Variants in WWTR1 observed in about 807,000 individuals in gnomAD.
WWTR1 encodes WW domain containing transcription regulator 1.
WWTR1 carries 13 observed loss-of-function variants against 40.1 expected under a neutral mutation model. The ratio of observed to expected loss-of-function variants is 0.32; its 90% confidence interval spans 0.21 to 0.52. The LOEUF (loss-of-function observed/expected upper bound fraction) is 0.52. WWTR1 is among the 20% of genes least tolerant of loss of function. The pLI, the probability that WWTR1 is intolerant of heterozygous loss-of-function variation, is 0.97. For missense variants in WWTR1, 436 were observed against 523.1 expected, an observed-to-expected ratio of 0.83 and a Z score of 1.63; for synonymous variants, 230 against 210.1, an observed-to-expected ratio of 1.09 and a Z score of -0.82.
At chr3:149,620,843 C>T (rs1427991520) in intron 2 of WWTR1, among the ~76,000 whole-genome samples, 2 of 152,184 alleles carry the variant, frequency 1.3e-5, no homozygotes, top group African/African-American at 4.8e-5. Flanking sequence ...AGCTAGGAGA[C>T]CACACACATC....
chr3:149,539,599 C>T (rs1231925056), intron 4 of WWTR1, among the ~76,000 whole-genome samples: 2 of 152,168 alleles, frequency 1.3e-5, no homozygotes, highest in Admixed American at 1.3e-4. Context: ...AGGGGTAGGA[C>T]AGAGAGAACA....
intron 4 of WWTR1, among the ~76,000 whole-genome samples, chr3:149,720,942 C>G (rs771220712): frequency 1.3e-5 from 2 of 151,872 alleles, no homozygotes; most frequent in Admixed American, 6.6e-5. Context: ...TATATAAATG[C>G]GACTGATTTT....
intron 2 of WWTR1, among the ~76,000 whole-genome samples, chr3:149,640,007 AAAAAAAG>A (rs1413224991): frequency 1.3e-5 from 2 of 150,332 alleles, no homozygotes; most frequent in African/African-American, 4.9e-5. Context: ...AAAAAAAAAA[AAAAAAAG>A]AAAGAAAGAA....
intron 3 of WWTR1, among the ~76,000 whole-genome samples, chr3:149,559,293 C>CAAAAAAAAAA (rs57470539): frequency 1.9e-3 from 107 of 57,168 alleles, no homozygotes; most frequent in Admixed American, 2.2e-3. Context: ...GACTCCATCT[C>CAAAAAAAAAA]AAAAAAAAAA....
At chr3:149,608,111 G>A (rs951930724) in intron 2 of WWTR1, among the ~76,000 whole-genome samples, 1 of 152,126 alleles carries the variant, frequency 6.6e-6, no homozygotes, top group African/African-American at 2.4e-5. Context: ...ATCTGATATT[G>A]TTGAATTCTG....
intron 2 of WWTR1, among the ~76,000 whole-genome samples, chr3:149,596,205 G>T (rs1738996928): frequency 6.6e-6 from 1 of 152,198 alleles, no homozygotes. Context: ...GACAGTAAGT[G>T]TTCTAAGAGA....
At chr3:149,554,976 T>C (rs968235802) in intron 3 of WWTR1, among the ~76,000 whole-genome samples, 2 of 152,256 alleles carry the variant, frequency 1.3e-5, no homozygotes, top group Non-Finnish European at 2.9e-5. Context: ...TGTTTTGTTA[T>C]CTTCAGACAA....
intron 2 of WWTR1, chr3:149,576,296 T>G: frequency 2.9e-6 from 1 of 344,090 alleles, no homozygotes; most frequent in Admixed American, 3.8e-5. Flanking sequence ...CCTATTGTTC[T>G]AATCACTTAG....
chr3:149,706,688 C>G (rs1398672126), upstream of WWTR1, among the ~76,000 whole-genome samples: 1 of 151,964 alleles, frequency 6.6e-6, no homozygotes, highest in African/African-American at 2.4e-5. Flanking sequence ...ATATTTTGAG[C>G]AAGAGGGAAC....
chr3:149,552,335 A>AAAGCG lies in WWTR1; in HGVS notation c.569-9799_569-9798insCGCTT, dbSNP rs1171077292. Among the ~76,000 whole-genome samples, 10 of 152,044 alleles carry AAAGCG rather than the reference A, an allele frequency of 6.6e-5. 1 individual carries two copies. The highest frequency in any genetic ancestry group is 1.9e-4 in the East Asian group (1 of 5,182). Reference sequence around the variant, plus strand: ...GATTAAGGCACAGAGTAGGCACTAAATACATTCTCCCCAAAGTAAGGTTAA... The same window carrying AAAGCG: ...GATTAAGGCACAGAGTAGGCACTAAAAAGCGTACATTCTCCCCAAAGTAAGGTTAA... On this transcript the variant is annotated intron_variant, in intron 3 of 6. Coordinates refer to ENST00000360632, the MANE Select transcript of WWTR1 (RefSeq NM_015472.6).
chr3:149,546,209 T>G (rs1174430234), intron 3 of WWTR1, among the ~76,000 whole-genome samples: 1 of 152,240 alleles, frequency 6.6e-6, no homozygotes, highest in Admixed American at 6.5e-5. Context: ...TAAACATCTC[T>G]CATTATTAAC....
intron 5 of WWTR1, among the ~76,000 whole-genome samples, chr3:149,715,167 G>A (rs1179664010): frequency 6.6e-6 from 1 of 152,228 alleles, no homozygotes; most frequent in Admixed American, 6.5e-5. Flanking sequence ...GGCTAAAAGA[G>A]CTGTGACACA....
intron 4 of WWTR1, among the ~76,000 whole-genome samples, chr3:149,532,116 A>C (rs930688300): frequency 4.6e-5 from 7 of 152,166 alleles, no homozygotes; most frequent in African/African-American, 1.7e-4. Flanking sequence ...TCTGTTCTTC[A>C]TTTGTAAAGT....
chr3:149,673,242 G>T (rs1295440499), intron 1 of WWTR1, among the ~76,000 whole-genome samples: 1 of 151,992 alleles, frequency 6.6e-6, no homozygotes, highest in Non-Finnish European at 1.5e-5. Context: ...TTAAAAATCA[G>T]TTAAAAGAAG....
intron 2 of WWTR1, among the ~76,000 whole-genome samples, chr3:149,626,614 G>A (rs372268197): frequency 2.6e-5 from 4 of 151,692 alleles, no homozygotes; most frequent in Non-Finnish European, 2.9e-5. Context: ...CAGGCTGAGC[G>A]TTTTTGGTTA....
intron 2 of WWTR1, among the ~76,000 whole-genome samples, chr3:149,607,023 A>C (rs749623282): frequency 1.1e-4 from 16 of 152,230 alleles, no homozygotes; most frequent in Non-Finnish European, 2.1e-4. Context: ...TACGGTTATA[A>C]TACTACTATT....
intron 1 of WWTR1, among the ~76,000 whole-genome samples, chr3:149,693,470 GAAAAAAA>G (rs71138405): frequency 6.6e-6 from 1 of 151,330 alleles, no homozygotes; most frequent in African/African-American, 2.4e-5. Flanking sequence ...CACATAAACA[GAAAAAAA>G]AATCCTAAAA....
intron 6 of WWTR1, among the ~76,000 whole-genome samples, chr3:149,524,382 T>C (rs2107901368): frequency 6.6e-6 from 1 of 152,066 alleles, no homozygotes; most frequent in South Asian, 2.1e-4. Flanking sequence ...CTGAGCTTTT[T>C]TCCTTAACTT....
chr3:149,638,459 A>C (rs1203084452), intron 2 of WWTR1, among the ~76,000 whole-genome samples: 1 of 152,202 alleles, frequency 6.6e-6, no homozygotes, highest in East Asian at 1.9e-4. Context: ...TAAAGAGTTC[A>C]TTTAAAGGGC....
Sources: allele counts gnomAD v4.1 joint callset (sites outside exome capture counted in the v4.1 genomes callset), GRCh38; gene constraint gnomAD v4.1.1; transcripts MANE v1.5; gene names NCBI Gene and HGNC (gene_info 2026-07-23, HGNC 2026-07-21).